Variants in LRBA observed in about 807,000 individuals in gnomAD.
The protein encoded by LRBA is LPS responsive beige-like anchor protein.
LRBA carries 176 observed loss-of-function variants against 330.0 expected under a neutral mutation model. That is an observed-to-expected ratio of 0.53 (90% confidence interval 0.47 to 0.60). The LOEUF is 0.60. Among genes scored for constraint, LRBA ranks in the 20% least tolerant of loss-of-function variants. The pLI, the probability that LRBA is intolerant of heterozygous loss-of-function variation, is 0.00. For missense variants in LRBA, 3,259 were observed against 3,444.8 expected (o/e 0.95, Z 1.35); for synonymous variants, 1,230 against 1,193.0 (o/e 1.03, Z -0.64).
At chr4:150,463,835 A>G (rs1428129015) in intron 44 of LRBA, among the ~76,000 whole-genome samples, 2 of 151,968 alleles carry the variant, frequency 1.3e-5, no homozygotes, top group Admixed American at 1.3e-4. Flanking sequence ...TACATAATAA[A>G]AATGTCCTGG....
chr4:150,478,654 C>G (rs1038225446), intron 42 of LRBA, among the ~76,000 whole-genome samples: 1 of 152,190 alleles, frequency 6.6e-6, no homozygotes, highest in African/African-American at 2.4e-5. Flanking sequence ...TACTTGCTTT[C>G]CAACATTTCT....
chr4:150,394,248 G>C (rs1414919989), intron 47 of LRBA, among the ~76,000 whole-genome samples: 1 of 152,134 alleles, frequency 6.6e-6, no homozygotes, highest in Non-Finnish European at 1.5e-5. Flanking sequence ...TCAAAAGTTA[G>C]CTAATACTGA....
intron 40 of LRBA, among the ~76,000 whole-genome samples, chr4:150,543,586 T>C (rs1429857899): frequency 6.6e-6 from 1 of 152,206 alleles, no homozygotes; most frequent in African/African-American, 2.4e-5. Context: ...TGGGGAACTA[T>C]CATTTGACAC....
chr4:150,727,066 T>C (rs1189114667), intron 36 of LRBA, among the ~76,000 whole-genome samples: 3 of 107,724 alleles, frequency 2.8e-5, no homozygotes, highest in Non-Finnish European at 6.1e-5. Flanking sequence ...AACATTTCGT[T>C]GTTTTTTTTT....
At chr4:150,326,829 G>A (rs551602871) in intron 48 of LRBA, among the ~76,000 whole-genome samples, 3 of 152,244 alleles carry the variant, frequency 2.0e-5, no homozygotes, top group South Asian at 2.1e-4. Context: ...CGACACTCCC[G>A]TAACAGTCAG....
chr4:150,493,359 T>G (rs1174789887), intron 40 of LRBA, among the ~76,000 whole-genome samples: 1 of 152,208 alleles, frequency 6.6e-6, no homozygotes, highest in African/African-American at 2.4e-5. Flanking sequence ...TAAGTTCTGT[T>G]GGAGCAAAGG....
intron 26 of LRBA, among the ~76,000 whole-genome samples, chr4:150,845,239 T>C (rs1056859984): frequency 2.0e-5 from 3 of 152,194 alleles, no homozygotes; most frequent in African/African-American, 7.2e-5. Context: ...TTAGTTAAAC[T>C]GGAAACTTTG....
chr4:150,474,498 C>A (rs1177235681), intron 42 of LRBA, among the ~76,000 whole-genome samples: 2 of 152,056 alleles, frequency 1.3e-5, no homozygotes, highest in African/African-American at 4.8e-5. Context: ...ACTCTAGGTC[C>A]ATTGCATTTC....
intron 31 of LRBA, among the ~76,000 whole-genome samples, chr4:150,809,917 T>TACGAG (rs1560850365): frequency 6.7e-5 from 9 of 134,260 alleles, no homozygotes; most frequent in African/African-American, 2.5e-4. Context: ...TACGATACGA[T>TACGAG]ACGATACGAT....
intron 2 of LRBA, among the ~76,000 whole-genome samples, chr4:150,975,805 T>C (rs1401088779): frequency 6.6e-6 from 1 of 151,876 alleles, no homozygotes; most frequent in African/African-American, 2.4e-5. Context: ...AAAAAATGAA[T>C]AATCTAATGG....
At chr4:150,380,788 C>G (rs1163359178) in intron 47 of LRBA, among the ~76,000 whole-genome samples, 2 of 149,290 alleles carry the variant, frequency 1.3e-5, no homozygotes, top group South Asian at 2.1e-4. Flanking sequence ...CCAGCCTGAC[C>G]AACATGGTGA....
intron 36 of LRBA, 194 bp from the exon 37 acceptor site, chr4:150,683,911 A>T (rs1193763510): frequency 1.9e-6 from 1 of 530,228 alleles, no homozygotes; most frequent in Non-Finnish European, 3.3e-6. Context: ...CTGTGAAGTC[A>T]ATCATGAGAT....
chr4:150,494,909 T>C (rs1409231841), intron 40 of LRBA, among the ~76,000 whole-genome samples: 2 of 150,078 alleles, frequency 1.3e-5, no homozygotes, highest in Non-Finnish European at 2.9e-5. Context: ...CTGACGCAGG[T>C]GAATGGCATG....
chr4:150,914,625 A>G (rs1272494581), intron 8 of LRBA, among the ~76,000 whole-genome samples: 1 of 152,128 alleles, frequency 6.6e-6, no homozygotes, highest in Non-Finnish European at 1.5e-5. Flanking sequence ...ACCTCTTTGT[A>G]CTTCACCTAT....
chr4:150,614,396 AAAGT>A (rs1775567093), intron 37 of LRBA, among the ~76,000 whole-genome samples: 1 of 152,368 alleles, frequency 6.6e-6, no homozygotes, highest in Admixed American at 6.5e-5. Flanking sequence ...AGTGGAAAAA[AAAGT>A]AAGAAAGTTA....
chr4:150,446,763 G>T (rs749560345), intron 44 of LRBA, among the ~76,000 whole-genome samples: 9 of 152,292 alleles, frequency 5.9e-5, no homozygotes, highest in South Asian at 2.1e-4. Context: ...CTGGCGAAAT[G>T]AGTCAAAAAA....
At chr4:150,806,767 C>A (rs1463912960) in intron 32 of LRBA, among the ~76,000 whole-genome samples, 1 of 151,906 alleles carries the variant, frequency 6.6e-6, no homozygotes, top group Non-Finnish European at 1.5e-5. Context: ...ACCATTAGCA[C>A]ACTGAGTTCA....
At chr4:150,848,772 T>A in intron 26 of LRBA, 46 bp downstream of exon 26, 1 of 1,478,544 alleles carries the variant, frequency 6.8e-7, no homozygotes, top group Non-Finnish European at 9.2e-7. Flanking sequence ...TCTGAATTAC[T>A]GAAAAATTTT....
intron 31 of LRBA, among the ~76,000 whole-genome samples, chr4:150,814,696 A>G (rs559479134): frequency 2.0e-5 from 3 of 152,106 alleles, no homozygotes; most frequent in African/African-American, 7.2e-5. Context: ...AGATGGAAAA[A>G]AAAATTGGTA....
Sources: gnomAD v4.1 joint callset for allele counts (sites outside exome capture counted in the v4.1 genomes callset) on GRCh38, gnomAD v4.1.1 for gene constraint, MANE v1.5 for transcripts, NCBI Gene and HGNC (gene_info 2026-07-23, HGNC 2026-07-21) for gene names.